The following ACTA2 variants were observed in gnomAD, a reference collection of about 807,000 sequenced individuals.
ACTA2 encodes the protein actin, aortic smooth muscle.
Under a neutral mutation model 39.5 loss-of-function variants are expected in ACTA2, and 12 were observed. That is an observed-to-expected ratio of 0.30 (90% CI 0.19 to 0.49). ACTA2 has a LOEUF of 0.49. ACTA2 is among the 20% of genes least tolerant of loss of function. The pLI is 0.99. For synonymous variants in ACTA2, 158 were observed against 180.6 expected (o/e 0.88, Z 1.00); for missense variants, 236 against 498.8 (o/e 0.47, Z 5.02).
intron 6 of ACTA2, 109 bp from the exon 7 acceptor site, chr10:88,939,807 G>T: frequency 2.6e-6 from 3 of 1,172,770 alleles, no homozygotes; most frequent in Non-Finnish European, 3.7e-6. Flanking sequence ...ATCAAAAAAT[G>T]TGTCAGTTCA....
chr10:88,951,065 G>T (rs766578286), intron 1 of ACTA2, among the ~76,000 whole-genome samples: 1 of 152,108 alleles, frequency 6.6e-6, no homozygotes, highest in Non-Finnish European at 1.5e-5. Flanking sequence ...TGAATGGCTT[G>T]CCCTTTCCTT....
intron 1 of ACTA2, among the ~76,000 whole-genome samples, chr10:88,987,614 T>A (rs937783164): frequency 6.6e-6 from 1 of 152,224 alleles, no homozygotes; most frequent in Admixed American, 6.5e-5. Flanking sequence ...AGGGTTTGTG[T>A]CCCAGTGTTT....
At chr10:88,987,593 A>G (rs949229530) in intron 1 of ACTA2, among the ~76,000 whole-genome samples, 2 of 152,200 alleles carry the variant, frequency 1.3e-5, no homozygotes, top group African/African-American at 4.8e-5. Context: ...TTCAAATCCA[A>G]TGAAAAAGAA....
chr10:88,947,010 C>T (rs1023856651), intron 3 of ACTA2: 18 of 378,984 alleles, frequency 4.7e-5, no homozygotes, highest in Non-Finnish European at 7.7e-5. Flanking sequence ...TTTGTCCTTG[C>T]GACAGTTTGC....
upstream of ACTA2, among the ~76,000 whole-genome samples, chr10:88,954,379 G>A (rs548978540): frequency 1.1e-4 from 17 of 151,938 alleles, no homozygotes; most frequent in East Asian, 3.1e-3. Context: ...ACGGCCATTA[G>A]AATGTTAAAA....
At chr10:88,984,587 G>A (rs1166282292) in intron 1 of ACTA2, among the ~76,000 whole-genome samples, 1 of 152,088 alleles carries the variant, frequency 6.6e-6, no homozygotes, top group African/African-American at 2.4e-5. Flanking sequence ...TCAATATTGT[G>A]TTGATTTTTG....
At chr10:88,980,780 A>G (rs1340999731) in intron 1 of ACTA2, among the ~76,000 whole-genome samples, 3 of 152,224 alleles carry the variant, frequency 2.0e-5, no homozygotes, top group Admixed American at 6.5e-5. Context: ...CAAGGCAATG[A>G]TAAGAAAGAA....
At chr10:88,964,486 G>T (rs1055806861) in intron 1 of ACTA2, among the ~76,000 whole-genome samples, 8 of 152,178 alleles carry the variant, frequency 5.3e-5, no homozygotes, top group African/African-American at 1.7e-4. Context: ...AGGTTATATA[G>T]TAAAGTCTGT....
chr10:88,957,254 C>T (rs139840928), upstream of ACTA2, among the ~76,000 whole-genome samples: 3 of 152,232 alleles, frequency 2.0e-5, no homozygotes, highest in Middle Eastern at 3.4e-3. Flanking sequence ...ATAAGATTCA[C>T]GAGGCACCTT....
At chr10:88,975,779 A>G (rs187495119) in intron 1 of ACTA2, among the ~76,000 whole-genome samples, 1 of 152,326 alleles carries the variant, frequency 6.6e-6, no homozygotes, top group Non-Finnish European at 1.5e-5. Flanking sequence ...GCAGGAGGTG[A>G]CTTGGTGACT....
At position 88,947,404 on chromosome 10, in the gene ACTA2, A is replaced by G. The variant is rs117106176; in HGVS notation, c.130-18T>C. On this transcript the variant is annotated intron_variant, in intron 2 of 8. Transcript: ENST00000224784. ...ATCACCCCCTAAAAAGGTTCAACACATTATGAGTCAGCATCTCCCAAAACT... is the reference window on the plus strand; with the variant it reads ...ATCACCCCCTAAAAAGGTTCAACACGTTATGAGTCAGCATCTCCCAAAACT... The G allele has an allele frequency of 1.0e-4, 163 of 1,613,614 alleles. 1 individual carries two copies. In the East Asian group the frequency reaches 3.5e-3, roughly 35 times the overall value.
At chr10:88,941,653 T>C (rs1845855338) in intron 5 of ACTA2, 132 bp downstream of exon 5, 2 of 904,550 alleles carry the variant, frequency 2.2e-6, no homozygotes, top group Non-Finnish European at 3.5e-6. Context: ...TAGAAGAAGA[T>C]CTTTTAGGGC....
At chr10:88,965,583 T>C (rs1846304565) in intron 1 of ACTA2, among the ~76,000 whole-genome samples, 1 of 152,018 alleles carries the variant, frequency 6.6e-6, no homozygotes, top group Non-Finnish European at 1.5e-5. Flanking sequence ...TACCAACATA[T>C]CGACCACCAA....
At chr10:88,965,248 A>G (rs958765636) in intron 1 of ACTA2, among the ~76,000 whole-genome samples, 6 of 151,828 alleles carry the variant, frequency 4.0e-5, no homozygotes, top group African/African-American at 1.2e-4. Flanking sequence ...GGAGGCAGCC[A>G]GTGTGTTCAT....
Position 88,951,762 on chromosome 10 carries a change from G to A in ACTA2, c.-24+969C>T, listed in dbSNP as rs778427939. Among the ~76,000 whole-genome samples the A allele has an allele frequency of 2.0e-5, 3 of 152,210 alleles. No homozygotes were observed. In the South Asian group the frequency reaches 6.2e-4, roughly 32 times the overall value. ...AGAGTGCGTCTTGTGCCAAAAATGA[G>A]TTGATGGGAGGGGAAAGAACAGTAC... is the stretch of plus-strand genomic sequence containing the variant. On this transcript the variant is annotated intron_variant, in intron 1 of 8. Transcript: ENST00000224784.
intron 6 of ACTA2, chr10:88,939,900 A>G: frequency 1.6e-6 from 1 of 614,676 alleles, no homozygotes; most frequent in Admixed American, 2.4e-5. Context: ...ACAGTGTCTC[A>G]TGCATAGTAG....
chr10:88,952,989 G>C (rs1404786125), upstream of ACTA2, among the ~76,000 whole-genome samples: 1 of 152,270 alleles, frequency 6.6e-6, no homozygotes, highest in Non-Finnish European at 1.5e-5. Context: ...AGGCGGTTCA[G>C]CCGCCTGTGG....
At chr10:88,939,448 G>C in intron 7 of ACTA2, 59 bp downstream of exon 7, 8 of 1,604,762 alleles carry the variant, frequency 5.0e-6, no homozygotes, top group Non-Finnish European at 6.8e-6. Flanking sequence ...CTGGAGGCTG[G>C]CTTGATATGG....
chr10:88,975,308 T>G (rs1351719883), intron 1 of ACTA2, among the ~76,000 whole-genome samples: 1 of 152,206 alleles, frequency 6.6e-6, no homozygotes, highest in Admixed American at 6.5e-5. Flanking sequence ...AGAAACCGTG[T>G]ACAGAGCAGC....
Sources: gnomAD v4.1 joint callset for allele counts (sites outside exome capture counted in the v4.1 genomes callset) on GRCh38, gnomAD v4.1.1 for gene constraint, MANE v1.5 for transcripts, NCBI Gene and HGNC (gene_info 2026-07-23, HGNC 2026-07-21) for gene names.